Variants in GAK observed in about 807,000 individuals in gnomAD.
GAK encodes cyclin G associated kinase, also known as cyclin-G-associated kinase.
In GAK, 79 loss-of-function variants were observed where a neutral mutation model predicts 143.9. The ratio of observed to expected loss-of-function variants is 0.55; its 90% CI spans 0.46 to 0.66. The LOEUF (loss-of-function observed/expected upper bound fraction) is 0.66, where lower values mean the gene tolerates loss of function less well. Ranked by LOEUF, GAK falls within the 30% of genes least tolerant of loss-of-function variation. The pLI is 0.00. For missense variants in GAK, 1,693 were observed against 1,779.7 expected (o/e 0.95, Z 0.88); for synonymous variants, 881 against 765.5 (o/e 1.15, Z -2.49).
At position 932,174 on chromosome 4, in the gene GAK, T is replaced by G. The variant is rs1470816411; in HGVS notation, c.14A>C (p.Gln5Pro). Residue 5 changes from glutamine (Q) to proline (P), a missense_variant, in exon 1 of 28, where the codon CAG (glutamine) becomes CCG (proline). Gln to Pro is a moderately conservative substitution (Grantham distance 76, BLOSUM62 -1). Transcript: ENST00000314167. This position sits in a 1 kb window ranked among gnomAD's most constrained non-coding sequence, Gnocchi z 4.0. The stretch of plus-strand genomic sequence containing the variant: ...ACCCGCCAAGAAGTCGAGCGCCGAC[T>G]GCAGCAGCGACATGGCGGTGGCTGC... MSLL[Q>P]SALDFLAGPG... is the part of the protein sequence containing the mutation. The G allele has an allele frequency of 5.1e-6, 8 of 1,564,860 alleles. No individual in the cohort carries two copies. Among genetic ancestry groups the G allele is most frequent in the Non-Finnish European group, 6.9e-6 (8 of 1,158,744 alleles).
intron 24 of GAK, chr4:852,528 C>G (rs945828439): frequency 6.4e-6 from 1 of 155,932 alleles, no homozygotes; most frequent in Non-Finnish European, 1.4e-5. Flanking sequence ...CAAGCTCCAC[C>G]TCCCGGATTC....
At chr4:868,484 C>T (rs1711541165) in intron 20 of GAK, 55 bp downstream of exon 20, 2 of 1,577,046 alleles carry the variant, frequency 1.3e-6, no homozygotes, top group Non-Finnish European at 1.7e-6. Context: ...CCAGGGGCAC[C>T]TCCAGACCAG....
At chr4:879,938 G>T (rs189135852) in intron 15 of GAK, among the ~76,000 whole-genome samples, 2 of 152,216 alleles carry the variant, frequency 1.3e-5, no homozygotes, top group African/African-American at 4.8e-5. Context: ...TTCTCATTTC[G>T]GGGATTTCCA....
chr4:869,467 CAG>C (rs1490646892), intron 19 of GAK: 2 of 150,016 alleles, frequency 1.3e-5, no homozygotes, highest in African/African-American at 2.5e-5. Context: ...ACAGCACACA[CAG>C]ATGCATGGTA....
At chr4:874,646 T>C (rs1427085308) in intron 18 of GAK, among the ~76,000 whole-genome samples, 2 of 152,116 alleles carry the variant, frequency 1.3e-5, no homozygotes. Context: ...TCTGAGGTAC[T>C]GAACCTCTTT....
In GAK at chr4:877,107, C is replaced by T. The variant is rs547795406; in HGVS notation, c.1957G>A (p.Gly653Ser). Residue 653 changes from glycine to serine, a missense_variant, in exon 17 of 28, where the codon GGC becomes AGC. This residue lies in a region of GAK where 871 missense variants were observed against 991.0 expected (regional missense o/e 0.88). Transcript: ENST00000314167. ...TCTCTCACCTTGGCCTGCAGCCGGC[C>T]GCCCAGAGTGGACCGGGCGTGATAG... The part of the protein sequence containing the change: ...VIYHARSTLG[G>S]RLQAKMASMK... The T allele has an allele frequency of 5.0e-6, 8 of 1,613,218 alleles. No homozygotes were observed. Among genetic ancestry groups the T allele is most frequent in the Non-Finnish European group, 6.8e-6 (8 of 1,179,396 alleles).
chr4:913,480 G>T lies in GAK; in HGVS notation c.207+127C>A. ...GCTGAGATTCAGCAGAAGCAAAAGGGACAAGTATGTCCAGGCTGTAAAAGG... is the reference window on the plus strand; with the variant it reads ...GCTGAGATTCAGCAGAAGCAAAAGGTACAAGTATGTCCAGGCTGTAAAAGG... On this transcript the variant is annotated intron_variant, in intron 2 of 27. Transcript: ENST00000314167. 4.0e-6 allele frequency: 3 copies of T among 755,730 alleles called. 1 individual carries two copies. Among genetic ancestry groups the T allele is most frequent in the South Asian group, 3.1e-5 (2 of 63,856 alleles). 46.8% of individuals were successfully genotyped at this position (755,730 alleles called of 1,614,324 possible).
Position 870,790 on chromosome 4 carries a change from C to T in GAK, c.2169G>A (p.Glu723=). The change falls in exon 19 of 28, where the codon GAG becomes GAA. Residue 723 remains glutamate, a synonymous_variant. Transcript: ENST00000314167. The stretch of plus-strand genomic sequence containing the variant: ...GGTTCAGCCCCCTCATGCTCGAGTT[C>T]TCCCATGGTGGGGCTTCCCGGCTCG... ...DRPSREAPPW[E]NSSMRGLNPK... is the part of the protein sequence containing the mutation. 4 of 1,614,174 alleles carry T rather than the reference C, an allele frequency of 2.5e-6. No homozygotes were observed. The highest frequency in any genetic ancestry group is 3.4e-6 in the Non-Finnish European group (4 of 1,180,028).
intron 1 of GAK, among the ~76,000 whole-genome samples, chr4:926,523 T>A (rs1245681566): frequency 2.0e-5 from 3 of 152,212 alleles, no homozygotes; most frequent in Non-Finnish European, 4.4e-5. Context: ...GTAATTATAG[T>A]ACCCACTTTC....
chr4:902,596 CAAAAAA>C (rs768017849), intron 5 of GAK, among the ~76,000 whole-genome samples: 1 of 60,730 alleles, frequency 1.6e-5, no homozygotes, highest in East Asian at 5.3e-4. Context: ...GTGACTGACT[CAAAAAA>C]AAAAAAAAAA....
rs376089749 is a variant in GAK, at chr4:893,315, G to A, written c.990+62C>T. 3.5e-5 allele frequency: 43 copies of A among 1,217,210 alleles called. No homozygotes were observed. In the African/African-American group the frequency reaches 5.6e-4, roughly 16 times the overall value. The allele number at this position is 1,217,210 out of a possible 1,614,324, so 75.4% of individuals were successfully genotyped here. ...CTCCCTCCCCTCTGCGGGGGATCTG[G>A]GGCTCATGTGTGCCTCCTTCACCAC... is the stretch of plus-strand genomic sequence containing the variant. On this transcript the variant is annotated intron_variant, in intron 9 of 27. Transcript: ENST00000314167.
chr4:850,950 GGTCCGT>G lies in GAK; in HGVS notation c.3637_3642del (p.Thr1213_Asp1214del), dbSNP rs1222697086. The G allele has an allele frequency of 5.6e-6, 9 of 1,613,530 alleles. No homozygotes were observed. The highest frequency in any genetic ancestry group is 7.6e-6 in the Non-Finnish European group (9 of 1,179,708). ...CACCCACCCACCTTCAGCTTGAGTGGGTCCGTGTCTTTAGCCAGGTCCTGCTTCCTC... is the reference window on the plus strand; with the variant it reads ...CACCCACCCACCTTCAGCTTGAGTGGGTCTTTAGCCAGGTCCTGCTTCCTC... On this transcript the variant is annotated inframe_deletion, in exon 26 of 28. Coordinates refer to ENST00000314167, the MANE Select transcript of GAK (RefSeq NM_005255.4).
At chr4:860,595 C>A (rs1459173103) in intron 23 of GAK, among the ~76,000 whole-genome samples, 7 of 152,228 alleles carry the variant, frequency 4.6e-5, no homozygotes, top group Non-Finnish European at 4.4e-5. Context: ...TCACAGTGAT[C>A]ATCCAACCAG....
chr4:881,966 G>A lies in GAK; in HGVS notation c.1602C>T (p.Ala534=), dbSNP rs138537917. ...CFCRLFSTAE[A]AVYMFSMKRC... is the part of the protein sequence containing the mutation. ...GCTTCATGCTGAACATGTACACGGC[G>A]GCCTCCGCGGTGCTGAAGAGACGGC... is the stretch of plus-strand genomic sequence containing the variant. The change falls in exon 15 of 28, where the codon GCC becomes GCT. Residue 534 remains alanine, a synonymous_variant. Transcript: ENST00000314167. 7.6e-5 allele frequency: 121 copies of A among 1,601,692 alleles called. No individual in the cohort carries two copies. The African/African-American group carries it at 9.0e-4, about 12-fold the overall frequency.
chr4:904,820 G>A, intron 4 of GAK, 41 bp from the exon 5 acceptor site: 1 of 1,601,822 alleles, frequency 6.2e-7, no homozygotes, highest in Non-Finnish European at 8.5e-7. Flanking sequence ...GGAGAACAGG[G>A]TCCGGAGACA....
At chr4:865,620 C>T (rs551029830) in intron 22 of GAK, among the ~76,000 whole-genome samples, 106 of 152,314 alleles carry the variant, frequency 7.0e-4, no homozygotes, top group South Asian at 5.4e-3. Flanking sequence ...GAGCTGCCTT[C>T]GGCAGACAGA....
chr4:904,517 C>T, intron 5 of GAK, 120 bp downstream of exon 5: 1 of 798,914 alleles, frequency 1.3e-6, no homozygotes, highest in Non-Finnish European at 1.9e-6. Flanking sequence ...CCGAGCGGGA[C>T]CCGCACACAG....
intron 18 of GAK, among the ~76,000 whole-genome samples, chr4:875,401 T>C (rs1265075397): frequency 6.6e-6 from 1 of 152,218 alleles, no homozygotes; most frequent in Non-Finnish European, 1.5e-5. Flanking sequence ...GGTCTCCCGG[T>C]GCAGGCCGTC....
At chr4:912,322 C>G in intron 3 of GAK, 2 of 377,574 alleles carry the variant, frequency 5.3e-6, no homozygotes, top group Non-Finnish European at 1.1e-5. Context: ...GCTGGGACAG[C>G]CTGAGAAGGG....
Sources: gnomAD v4.1 joint callset for allele counts (sites outside exome capture counted in the v4.1 genomes callset) on GRCh38, gnomAD v4.1.1 for gene constraint, gnomAD v4.1.1 regional missense constraint, Gnocchi (gnomAD v3.1) non-coding constraint, MANE v1.5 for transcripts, NCBI Gene and HGNC (gene_info 2026-07-23, HGNC 2026-07-21) for gene names.